The following COX7B2 variants were observed in gnomAD, a reference collection of about 807,000 sequenced individuals.
COX7B2 encodes cytochrome c oxidase subunit 7B2.
For missense variants in COX7B2, 109 were observed against 95.9 expected, an observed-to-expected ratio of 1.14 and a Z score of -0.57; for synonymous variants, 37 against 32.1, an observed-to-expected ratio of 1.15 and a Z score of -0.51.
chr4:46,745,531 A>T (rs1560347903), intron 2 of COX7B2, among the ~76,000 whole-genome samples: 1 of 152,236 alleles, frequency 6.6e-6, no homozygotes, highest in Non-Finnish European at 1.5e-5. Flanking sequence ...TTTTAACAAG[A>T]TATTTTACCT....
At chr4:46,847,074 C>T (rs767059961) in intron 1 of COX7B2, among the ~76,000 whole-genome samples, 8 of 151,818 alleles carry the variant, frequency 5.3e-5, no homozygotes, top group Admixed American at 1.3e-4. Flanking sequence ...TAGATATAGC[C>T]GTTGAGATGT....
At chr4:46,893,775 C>A (rs1719583937) in intron 1 of COX7B2, among the ~76,000 whole-genome samples, 2 of 152,100 alleles carry the variant, frequency 1.3e-5, no homozygotes, top group African/African-American at 4.8e-5. Flanking sequence ...TCTCTTCTCT[C>A]TACAGACAAT....
At chr4:46,906,085 T>TC (rs1720372460) in intron 1 of COX7B2, among the ~76,000 whole-genome samples, 1 of 152,014 alleles carries the variant, frequency 6.6e-6, no homozygotes, top group Non-Finnish European at 1.5e-5. Context: ...CGCCTCGGCC[T>TC]CCCAAAGTGC....
intron 1 of COX7B2, among the ~76,000 whole-genome samples, chr4:46,881,367 G>A (rs887692246): frequency 1.3e-5 from 2 of 152,180 alleles, no homozygotes; most frequent in African/African-American, 4.8e-5. Flanking sequence ...ACAAACAGGT[G>A]ATACACAAAT....
intron 2 of COX7B2, among the ~76,000 whole-genome samples, chr4:46,753,569 G>A (rs1397898844): frequency 1.3e-5 from 2 of 151,620 alleles, no homozygotes; most frequent in East Asian, 3.9e-4. Context: ...AATTCAAGAT[G>A]GATTAAAGAC....
At chr4:46,808,491 C>T (rs1042964052) in intron 2 of COX7B2, among the ~76,000 whole-genome samples, 10 of 151,608 alleles carry the variant, frequency 6.6e-5, no homozygotes, top group Non-Finnish European at 1.3e-4. Context: ...TTACTTCTTC[C>T]TTTTAACTTA....
intron 2 of COX7B2, among the ~76,000 whole-genome samples, chr4:46,770,877 G>A (rs6825850): frequency 0.33 from 49,877 of 151,794 alleles, 8,442 homozygotes; most frequent in South Asian, 0.47. Context: ...AACTACTAAA[G>A]GAAACATAAA....
chr4:46,800,343 G>C (rs951243987), intron 2 of COX7B2, among the ~76,000 whole-genome samples: 1 of 152,024 alleles, frequency 6.6e-6, no homozygotes, highest in African/African-American at 2.4e-5. Context: ...AAAGCTGGAG[G>C]CATCACAGTA....
At chr4:46,763,943 T>C (rs1321346610) in intron 2 of COX7B2, among the ~76,000 whole-genome samples, 1 of 152,156 alleles carries the variant, frequency 6.6e-6, no homozygotes, top group Non-Finnish European at 1.5e-5. Context: ...TTTAGCTACA[T>C]GAAGAAAACA....
chr4:46,769,328 T>C (rs549909251), intron 2 of COX7B2, among the ~76,000 whole-genome samples: 25 of 152,270 alleles, frequency 1.6e-4, no homozygotes, highest in Non-Finnish European at 3.2e-4. Context: ...TTCATCAGAA[T>C]ACTAGCAAAA....
At chr4:46,821,857 G>A (rs189841191) in intron 2 of COX7B2, among the ~76,000 whole-genome samples, 161 of 152,226 alleles carry the variant, frequency 1.1e-3, no homozygotes, top group African/African-American at 3.7e-3. Flanking sequence ...ATTGTTGCCA[G>A]GTGTTTAATA....
At chr4:46,840,432 ACT>A in intron 2 of COX7B2, among the ~76,000 whole-genome samples, 1 of 152,054 alleles carries the variant, frequency 6.6e-6, no homozygotes, top group Non-Finnish European at 1.5e-5. Context: ...AGCCACAAGA[ACT>A]CTCTGTCATG....
intron 2 of COX7B2, among the ~76,000 whole-genome samples, chr4:46,837,460 A>G (rs1715596108): frequency 6.6e-6 from 1 of 152,102 alleles, no homozygotes; most frequent in Non-Finnish European, 1.5e-5. Context: ...AACATCTAGA[A>G]TAGGCAAATT....
intron 1 of COX7B2, among the ~76,000 whole-genome samples, chr4:46,869,484 G>C (rs1326954732): frequency 1.3e-5 from 2 of 152,108 alleles, no homozygotes; most frequent in Non-Finnish European, 2.9e-5. Flanking sequence ...GTGTGTTTAA[G>C]TGTCTTTTTG....
At chr4:46,758,609 G>A (rs954453507) in intron 2 of COX7B2, among the ~76,000 whole-genome samples, 1 of 152,130 alleles carries the variant, frequency 6.6e-6, no homozygotes, top group Non-Finnish European at 1.5e-5. Flanking sequence ...CTGTGAATAA[G>A]TCCAACTCTT....
chr4:46,876,913 C>A (rs757508574), intron 1 of COX7B2, among the ~76,000 whole-genome samples: 1 of 152,168 alleles, frequency 6.6e-6, no homozygotes, highest in Non-Finnish European at 1.5e-5. Context: ...CTGGCAACAG[C>A]TACTTTTGTA....
intron 2 of COX7B2, among the ~76,000 whole-genome samples, chr4:46,823,476 TC>T (rs1430754663): frequency 6.6e-6 from 1 of 151,246 alleles, no homozygotes; most frequent in Non-Finnish European, 1.5e-5. Flanking sequence ...CTGAAAAAGC[TC>T]CAAATATTTG....
chr4:46,756,140 G>C (rs904940647), intron 2 of COX7B2, among the ~76,000 whole-genome samples: 6 of 151,802 alleles, frequency 4.0e-5, no homozygotes, highest in Non-Finnish European at 8.8e-5. Flanking sequence ...CAGAGAAGAG[G>C]ACCCAGAAAT....
chr4:46,758,327 A>G (rs1389250439), intron 2 of COX7B2, among the ~76,000 whole-genome samples: 1 of 152,130 alleles, frequency 6.6e-6, no homozygotes, highest in Non-Finnish European at 1.5e-5. Flanking sequence ...GGTGGTTGAC[A>G]TGGCTCTTCA....
Sources: gnomAD v4.1 joint callset for allele counts (sites outside exome capture counted in the v4.1 genomes callset) on GRCh38, gnomAD v4.1.1 for gene constraint, MANE v1.5 for transcripts, NCBI Gene and HGNC (gene_info 2026-07-23, HGNC 2026-07-21) for gene names.